CRYZL1: variants seen among roughly 807,000 people sequenced by gnomAD.
CRYZL1 encodes the protein crystallin zeta like 1.
CRYZL1 carries 34 observed loss-of-function variants against 50.6 expected under a neutral mutation model. The observed-to-expected ratio is 0.67, with a 90% confidence interval of 0.51 to 0.89. The LOEUF is 0.89. CRYZL1 is among the 40% of genes least tolerant of loss of function. The pLI is 0.00. For missense variants in CRYZL1, 354 were observed against 402.3 expected (o/e 0.88, Z 1.03); for synonymous variants, 125 against 134.3 (o/e 0.93, Z 0.48).
intron 6 of CRYZL1, among the ~76,000 whole-genome samples, chr21:33,604,691 G>C (rs2086793197): frequency 6.6e-6 from 1 of 152,054 alleles, no homozygotes. Context: ...CATTCTTGTT[G>C]TTTTATGGCA....
At chr21:33,621,103 C>CACCGT (rs1457419053) in intron 4 of CRYZL1, among the ~76,000 whole-genome samples, 1 of 148,754 alleles carries the variant, frequency 6.7e-6, no homozygotes, top group East Asian at 2.0e-4. Flanking sequence ...GACAGGGTTT[C>CACCGT]ACCGTGTTAG....
chr21:33,595,541 G>T, intron 11 of CRYZL1, 190 bp downstream of exon 11: 2 of 1,252,098 alleles, frequency 1.6e-6, no homozygotes, highest in Middle Eastern at 1.9e-4. Flanking sequence ...GTGAAATGGG[G>T]ATGATAACAG....
chr21:33,589,849 T>G lies in CRYZL1; in HGVS notation c.1023A>C (p.Gly341=). 1 of 1,612,704 alleles carries G rather than the reference T, an allele frequency of 6.2e-7. No homozygotes were observed. Among genetic ancestry groups the G allele is most frequent in the Non-Finnish European group, 8.5e-7 (1 of 1,178,878 alleles). The part of the protein sequence containing the change: ...VSMEAVQKNQ[G]RKKQVVQF ...AAAATTGAACAACTTGCTTTTTTCT[T>G]CCTTGATTTTTCTGAACAGCTTCCA... is the stretch of plus-strand genomic sequence containing the variant. The change falls in exon 13 of 13, where the codon GGA becomes GGC. Residue 341 remains glycine, a synonymous_variant. Transcript: ENST00000381554.
chr21:33,641,490 T>C (rs1405277859), intron 1 of CRYZL1, among the ~76,000 whole-genome samples, 191 bp downstream of exon 1: 4 of 152,036 alleles, frequency 2.6e-5, no homozygotes, highest in African/African-American at 9.7e-5. Context: ...CAGGAAACTG[T>C]CCCTCAAATC....
rs1327830698 is a variant in CRYZL1 at position 33,624,761 on chromosome 21, C to T, written c.67-1G>A. The T allele has an allele frequency of 6.9e-6, 11 of 1,591,864 alleles. No individual in the cohort carries two copies. The highest frequency in any genetic ancestry group is 9.4e-6 in the Non-Finnish European group (11 of 1,174,530). The stretch of plus-strand genomic sequence containing the variant: ...TATCCTCTGTAACAGGAAGATCTTC[C>T]TAGAACCAAATGATAACAAAACAAT... On this transcript the variant is annotated splice_acceptor_variant, in intron 2 of 12. Transcript: ENST00000381554. LOFTEE classifies it high-confidence loss of function.
chr21:33,599,414 T>C (rs2086728176), intron 8 of CRYZL1, 166 bp from the exon 9 acceptor site: 2 of 947,532 alleles, frequency 2.1e-6, no homozygotes, highest in African/African-American at 1.6e-5. Flanking sequence ...TAAATTATAC[T>C]TTTTCTCATC....
chr21:33,640,328 G>C (rs2087265433), intron 1 of CRYZL1: 4 of 1,297,264 alleles, frequency 3.1e-6, no homozygotes, highest in Middle Eastern at 3.8e-4. Context: ...ATCGATAAGG[G>C]AAATTAGTGA....
At chr21:33,599,005 A>T in intron 9 of CRYZL1, 145 bp downstream of exon 9, 1 of 682,728 alleles carries the variant, frequency 1.5e-6, no homozygotes, top group South Asian at 2.0e-5. Context: ...AATTTAAATT[A>T]AAAAGTCTTC....
rs114064294 is a variant in CRYZL1 at position 33,618,935 on chromosome 21, T to A, written c.218-2185A>T. ...TCTATCCCTTGGAGAACTCATCAAT[T>A]CTATTATTTCAAATACAACCTACAT... On this transcript the variant is annotated intron_variant, in intron 4 of 12. Coordinates refer to ENST00000381554, the MANE Select transcript of CRYZL1 (RefSeq NM_145858.3). Among the ~76,000 whole-genome samples the A allele has an allele frequency of 5.4e-3, 828 of 152,248 alleles. 7 individuals carry two copies. Among genetic ancestry groups the A allele is most frequent in the African/African-American group, 0.019 (794 of 41,542 alleles).
At chr21:33,624,266 G>A (rs1337237305) in intron 3 of CRYZL1, among the ~76,000 whole-genome samples, 3 of 152,168 alleles carry the variant, frequency 2.0e-5, no homozygotes, top group African/African-American at 7.2e-5. Flanking sequence ...AAGATGGTAG[G>A]CTGGGCGCAG....
intron 1 of CRYZL1, among the ~76,000 whole-genome samples, chr21:33,637,312 G>A (rs1184935321): frequency 2.6e-5 from 4 of 151,932 alleles, no homozygotes; most frequent in South Asian, 2.1e-4. Flanking sequence ...GGGCGTGGTG[G>A]CGGGTGCCTG....
intron 11 of CRYZL1, among the ~76,000 whole-genome samples, chr21:33,592,799 C>A (rs941073353): frequency 1.3e-5 from 2 of 152,058 alleles, no homozygotes; most frequent in Non-Finnish European, 2.9e-5. Flanking sequence ...CGCCTGTAAT[C>A]CCAGCATTTT....
At chr21:33,616,868 G>A (rs2145942009) in intron 4 of CRYZL1, 118 bp from the exon 5 acceptor site, 2 of 903,718 alleles carry the variant, frequency 2.2e-6, no homozygotes, top group South Asian at 2.3e-5. Flanking sequence ...TGTTTAATGT[G>A]GAAAAAAGGA....
In CRYZL1 at chr21:33,622,041, C is replaced by G; in HGVS notation, c.172G>C (p.Asp58His). 1 of 1,612,850 alleles carries G rather than the reference C, an allele frequency of 6.2e-7. No homozygotes were observed. The highest frequency in any genetic ancestry group is 8.5e-7 in the Non-Finnish European group (1 of 1,179,232). ...KLLAEMKMKK[D>H]LFPVGREIAG... ...ATTTCTCTCCCAACAGGAAATAAAT[C>G]CTTTTTCATCTTCATTTCTGCCAGA... Residue 58 changes from aspartate to histidine, a missense_variant, in exon 4 of 13, where the codon GAT (aspartate) becomes CAT (histidine). Physicochemically the swap from Asp to His is moderately conservative, Grantham distance 81 (BLOSUM62 -1). Transcript: ENST00000381554.
At position 33,610,972 on chromosome 21, in the gene CRYZL1, C is replaced by G. The variant is rs8126913; in HGVS notation, c.331+2566G>C. On this transcript the variant is annotated intron_variant, in intron 6 of 12. Coordinates refer to ENST00000381554, the MANE Select transcript of CRYZL1 (RefSeq NM_145858.3). Reference sequence around the variant, plus strand: ...TCTCGGACTCCTGACCTCAGGCGATCCACCCATCTCGGCCTCCCAAAGTGC... The same window carrying G: ...TCTCGGACTCCTGACCTCAGGCGATGCACCCATCTCGGCCTCCCAAAGTGC... Among the ~76,000 whole-genome samples, 533 of 152,092 alleles carry G rather than the reference C, an allele frequency of 3.5e-3. 4 individuals are homozygous for G. The highest frequency in any genetic ancestry group is 0.012 in the African/African-American group (503 of 41,476).
chr21:33,627,187 A>G (rs1487023129), intron 2 of CRYZL1, among the ~76,000 whole-genome samples: 1 of 152,140 alleles, frequency 6.6e-6, no homozygotes, highest in Non-Finnish European at 1.5e-5. Context: ...GTCTTGCTCT[A>G]TCACCCAGGC....
At chr21:33,630,536 G>A (rs1259416508) in intron 2 of CRYZL1, among the ~76,000 whole-genome samples, 1 of 151,658 alleles carries the variant, frequency 6.6e-6, no homozygotes, top group East Asian at 1.9e-4. Flanking sequence ...CAGTGAGGTG[G>A]GATGGCACCA....
chr21:33,596,867 C>CT (rs1181986117), intron 10 of CRYZL1, among the ~76,000 whole-genome samples: 142 of 140,518 alleles, frequency 1.0e-3, no homozygotes, highest in Middle Eastern at 7.4e-3. Flanking sequence ...AGATTTTTTT[C>CT]TTTTTTTTTT....
chr21:33,634,879 CAATATATATA>C (rs1017050805), intron 1 of CRYZL1, among the ~76,000 whole-genome samples: 1 of 63,962 alleles, frequency 1.6e-5, no homozygotes, highest in African/African-American at 8.8e-5. Context: ...ACAACAACAA[CAATATATATA>C]TATATATATA....
Sources: allele counts gnomAD v4.1 joint callset (sites outside exome capture counted in the v4.1 genomes callset), GRCh38; gene constraint gnomAD v4.1.1; transcripts MANE v1.5; gene names NCBI Gene and HGNC (gene_info 2026-07-23, HGNC 2026-07-21).